The following SCCPDH variants were observed in gnomAD, a reference collection of about 807,000 sequenced individuals.
The protein encoded by SCCPDH is saccharopine dehydrogenase (putative), also known as saccharopine dehydrogenase-like oxidoreductase.
Under a neutral mutation model 51.5 loss-of-function variants are expected in SCCPDH, and 34 were observed. That is an observed-to-expected ratio of 0.66 (90% CI 0.50 to 0.88). The LOEUF is 0.88. SCCPDH is among the 40% of genes least tolerant of loss of function. The pLI is 0.00. For missense variants in SCCPDH, 464 were observed against 527.1 expected (o/e 0.88, Z 1.17); for synonymous variants, 187 against 191.3 (o/e 0.98, Z 0.19).
At position 246,732,774 on chromosome 1, in the gene SCCPDH, C is replaced by G. The variant is rs116388002; in HGVS notation, c.304-3201C>G. 2.7e-3 allele frequency among the ~76,000 whole-genome samples: 418 copies of G among 152,232 alleles called. 2 individuals are homozygous for G. The highest frequency in any genetic ancestry group is 9.1e-3 in the African/African-American group (379 of 41,530). On this transcript the variant is annotated intron_variant, in intron 2 of 11. Transcript: ENST00000366510. ...GCCATCTGAGTACCATGTGCCTGGC[C>G]CCACACTAAGCTCTTTGTATTCTCT... is the stretch of plus-strand genomic sequence containing the variant.
chr1:246,739,163 G>A (rs528476874), intron 3 of SCCPDH, among the ~76,000 whole-genome samples: 27 of 152,206 alleles, frequency 1.8e-4, no homozygotes, highest in African/African-American at 6.0e-4. Context: ...GTCACCTTCT[G>A]GGAGAGGGAG....
chr1:246,754,212 A>G (rs1668896996), intron 5 of SCCPDH, among the ~76,000 whole-genome samples: 1 of 151,768 alleles, frequency 6.6e-6, no homozygotes, highest in African/African-American at 2.4e-5. Flanking sequence ...GTCTGTGCAC[A>G]GAGTTACCTG....
chr1:246,732,682 C>T (rs1307736610), intron 2 of SCCPDH, among the ~76,000 whole-genome samples: 1 of 152,158 alleles, frequency 6.6e-6, no homozygotes, highest in African/African-American at 2.4e-5. Context: ...GCCACCACAC[C>T]CAGCCTGCTT....
At chr1:246,733,867 G>A (rs1000199875) in intron 2 of SCCPDH, among the ~76,000 whole-genome samples, 5 of 152,230 alleles carry the variant, frequency 3.3e-5, no homozygotes, top group African/African-American at 1.2e-4. Flanking sequence ...TACATGTCCT[G>A]TGCTCTCACT....
chr1:246,754,117 C>T (rs553826375), intron 5 of SCCPDH, among the ~76,000 whole-genome samples: 5 of 152,124 alleles, frequency 3.3e-5, no homozygotes, highest in South Asian at 4.2e-4. Context: ...GGAGGCTCCT[C>T]GCATTCACAC....
At chr1:246,746,123 A>AAAAAAAAAAG (rs1668756445) in intron 5 of SCCPDH, among the ~76,000 whole-genome samples, 1 of 151,140 alleles carries the variant, frequency 6.6e-6, no homozygotes, top group African/African-American at 2.4e-5. Context: ...AAAAAAAAAA[A>AAAAAAAAAAG]AAAAAAAAAG....
chr1:246,764,477 T>C (rs572582947), intron 10 of SCCPDH, 120 bp downstream of exon 10: 3 of 511,420 alleles, frequency 5.9e-6, no homozygotes, highest in South Asian at 4.3e-5. Flanking sequence ...TTTGTACAAA[T>C]TAAGTAACTT....
At chr1:246,733,226 A>G (rs1438203788) in intron 2 of SCCPDH, among the ~76,000 whole-genome samples, 1 of 151,910 alleles carries the variant, frequency 6.6e-6, no homozygotes, top group Non-Finnish European at 1.5e-5. Flanking sequence ...AGCTGGGACT[A>G]TAGACTGGTG....
intron 2 of SCCPDH, 146 bp downstream of exon 2, chr1:246,727,150 A>T (rs1668412800): frequency 1.5e-6 from 1 of 649,130 alleles, no homozygotes; most frequent in Admixed American, 2.7e-5. Context: ...TGCGAGGAGC[A>T]GCTGGAGATG....
Position 246,767,245 on chromosome 1 carries a change from A to G in SCCPDH, c.1235A>G (p.Asp412Gly). The G allele has an allele frequency of 6.2e-7, 1 of 1,611,502 alleles. No homozygotes were observed. Among genetic ancestry groups the G allele is most frequent in the Non-Finnish European group, 8.5e-7 (1 of 1,178,540 alleles). Residue 412 changes from aspartate to glycine, a missense_variant, in exon 12 of 12, where the codon GAC (aspartate) becomes GGC (glycine). Transcript: ENST00000366510. ...GAAFSKTKLI[D>G]RLNKHGIEFS... Reference sequence around the variant, plus strand: ...GCTTTTTCCAAAACAAAGTTGATTGACAGACTCAACAAACACGGTATTGAG... The same window carrying G: ...GCTTTTTCCAAAACAAAGTTGATTGGCAGACTCAACAAACACGGTATTGAG...
intron 6 of SCCPDH, 139 bp from the exon 7 acceptor site, chr1:246,758,895 C>A (rs1668971846): frequency 5.8e-6 from 4 of 685,876 alleles, no homozygotes; most frequent in Non-Finnish European, 1.1e-5. Flanking sequence ...CTTAAGTGAT[C>A]CTCCTGCCTC....
intron 2 of SCCPDH, among the ~76,000 whole-genome samples, chr1:246,733,531 T>C (rs367633960): frequency 4.6e-5 from 7 of 151,338 alleles, no homozygotes; most frequent in African/African-American, 9.7e-5. Context: ...CTTAGAGAAA[T>C]GGGGTCTCAA....
rs1668407748 is a variant in SCCPDH, at chr1:246,726,901, C to T, written c.200C>T (p.Thr67Ile). 4 of 1,611,838 alleles carry T rather than the reference C, an allele frequency of 2.5e-6. No individual in the cohort carries two copies. In the Admixed American group the frequency reaches 6.7e-5, roughly 27 times the overall value. Reference sequence around the variant, plus strand: ...TTGTTTCTTATTTTAGGAAGACCAACACTGTCATCTGAAGTTGGAATCATC... The same window carrying T: ...TTGTTTCTTATTTTAGGAAGACCAATACTGTCATCTGAAGTTGGAATCATC... ...EKAALKLGRP[T>I]LSSEVGIIIC... Residue 67 changes from threonine to isoleucine, a missense_variant, in exon 2 of 12, where the codon ACA becomes ATA. Coordinates refer to ENST00000366510, the MANE Select transcript of SCCPDH (RefSeq NM_016002.3).
intron 9 of SCCPDH, 54 bp downstream of exon 9, chr1:246,760,281 G>A: frequency 2.1e-6 from 3 of 1,446,884 alleles, no homozygotes; most frequent in East Asian, 2.3e-5. Flanking sequence ...GTGCAATGAC[G>A]GTATCATCTA....
chr1:246,731,152 C>T (rs556834799), intron 2 of SCCPDH, among the ~76,000 whole-genome samples: 5 of 152,208 alleles, frequency 3.3e-5, no homozygotes, highest in East Asian at 3.9e-4. Flanking sequence ...AGTGTCTCCC[C>T]GAGATGAAGG....
intron 1 of SCCPDH, among the ~76,000 whole-genome samples, chr1:246,725,742 C>A (rs898512377): frequency 6.6e-6 from 1 of 152,126 alleles, no homozygotes; most frequent in Non-Finnish European, 1.5e-5. Context: ...GCTTCCATTT[C>A]TTTTTTCGGC....
chr1:246,758,905 C>T (rs898684283), intron 6 of SCCPDH, 129 bp from the exon 7 acceptor site: 31 of 715,254 alleles, frequency 4.3e-5, no homozygotes, highest in South Asian at 4.5e-5. Context: ...CCTCCTGCCT[C>T]GGCCTCCCAA....
chr1:246,726,031 AT>A (rs758262963), intron 1 of SCCPDH, among the ~76,000 whole-genome samples: 1 of 146,942 alleles, frequency 6.8e-6, no homozygotes, highest in Non-Finnish European at 1.5e-5. Flanking sequence ...CGCCCTGCTA[AT>A]TTTTTTAGTA....
At chr1:246,730,810 A>G (rs1668480631) in intron 2 of SCCPDH, among the ~76,000 whole-genome samples, 1 of 152,068 alleles carries the variant, frequency 6.6e-6, no homozygotes, top group South Asian at 2.1e-4. Flanking sequence ...TGGAATCCCA[A>G]ACCTCTGGGA....
Sources: gnomAD v4.1 joint callset for allele counts (sites outside exome capture counted in the v4.1 genomes callset) on GRCh38, gnomAD v4.1.1 for gene constraint, MANE v1.5 for transcripts, NCBI Gene and HGNC (gene_info 2026-07-23, HGNC 2026-07-21) for gene names.